GRIK2: variants seen among roughly 807,000 people sequenced by gnomAD.
GRIK2 encodes the protein glutamate receptor ionotropic, kainate 2.
In GRIK2, 32 loss-of-function variants were observed where a neutral mutation model predicts 100.3. The ratio of observed to expected loss-of-function variants is 0.32; its 90% CI spans 0.24 to 0.43. GRIK2 has a LOEUF of 0.43. Ranked by LOEUF, GRIK2 falls within the 20% of genes least tolerant of loss-of-function variation. GRIK2 has a pLI of 1.00. For missense variants in GRIK2, 843 were observed against 1,114.9 expected, an observed-to-expected ratio of 0.76 and a Z score of 3.47; for synonymous variants, 417 against 389.4, an observed-to-expected ratio of 1.07 and a Z score of -0.83.
At position 101,684,605 on chromosome 6, in the gene GRIK2, C is replaced by G. The variant is rs1356356485; in HGVS notation, c.778-1575C>G. Among the ~76,000 whole-genome samples the G allele has an allele frequency of 7.2e-5, 11 of 152,046 alleles. No individual in the cohort carries two copies. The East Asian group carries it at 1.2e-3, about 16-fold the overall frequency. Reference sequence around the variant, plus strand: ...ACTTCATGAGGTTCAAGGCTGAGATCTCTATAACAAAAGAGAGGTTGACAA... The same window carrying G: ...ACTTCATGAGGTTCAAGGCTGAGATGTCTATAACAAAAGAGAGGTTGACAA... On this transcript the variant is annotated intron_variant, in intron 6 of 16. Coordinates refer to ENST00000369134, the MANE Select transcript of GRIK2 (RefSeq NM_021956.5).
chr6:101,493,962 T>A (rs1297785331), intron 2 of GRIK2, among the ~76,000 whole-genome samples: 1 of 106,830 alleles, frequency 9.4e-6, no homozygotes, highest in South Asian at 2.8e-4. Flanking sequence ...ATATATATAT[T>A]TTATATATAA....
At chr6:101,499,377 T>C (rs546031813) in intron 2 of GRIK2, among the ~76,000 whole-genome samples, 1 of 152,282 alleles carries the variant, frequency 6.6e-6, no homozygotes, top group South Asian at 2.1e-4. Context: ...TATTTTTTTA[T>C]TGATATGTTA....
chr6:101,798,083 G>A (rs1266983741), intron 7 of GRIK2, among the ~76,000 whole-genome samples: 5 of 144,886 alleles, frequency 3.5e-5, no homozygotes, highest in African/African-American at 1.0e-4. Context: ...TGGATATGTA[G>A]CCTTCATTCT....
rs781532291 is a variant in GRIK2, at chr6:101,960,053, GT to G, written c.2085+31434del. Among the ~76,000 whole-genome samples the G allele has an allele frequency of 5.7e-3, 745 of 131,006 alleles. 16 individuals are homozygous for G. The highest frequency in any genetic ancestry group is 9.3e-3 in the Non-Finnish European group (579 of 62,422). 85.9% of individuals were successfully genotyped at this position (131,006 alleles called of 152,430 possible). A position where few individuals can be genotyped will look rare whatever the true frequency, so the allele number is the denominator to read the frequency against. ...TCTCAAAGCCTTTTTTTAGTGTTTTGTTTTTTTTTTTTTGTCTGACTTGGTT... is the reference window on the plus strand; with the variant it reads ...TCTCAAAGCCTTTTTTTAGTGTTTTGTTTTTTTTTTTTGTCTGACTTGGTT... On this transcript the variant is annotated intron_variant, in intron 14 of 16. Transcript: ENST00000369134.
intron 2 of GRIK2, among the ~76,000 whole-genome samples, chr6:101,510,667 C>T (rs552063113): frequency 2.0e-5 from 3 of 151,588 alleles, no homozygotes; most frequent in African/African-American, 7.3e-5. Flanking sequence ...GGATTACAGG[C>T]ACCTGCCACC....
intron 7 of GRIK2, chr6:101,744,558 A>ATATATATATATATCTATC (rs751011648): frequency 2.6e-5 from 3 of 115,024 alleles, no homozygotes; most frequent in African/African-American, 1.1e-4. Context: ...ATATATATAT[A>ATATATATATATATCTATC]TCACAATTTC....
chr6:101,624,442 A>G (rs557482875), intron 3 of GRIK2, among the ~76,000 whole-genome samples: 365 of 152,248 alleles, frequency 2.4e-3, no homozygotes, highest in African/African-American at 8.2e-3. Flanking sequence ...ATTTATTTAG[A>G]TCATATTGAT....
chr6:101,735,880 A>T (rs1350740092), intron 7 of GRIK2, among the ~76,000 whole-genome samples: 2 of 152,240 alleles, frequency 1.3e-5, no homozygotes, highest in Admixed American at 6.5e-5. Context: ...CTCATCTGAG[A>T]TAAGGCAAGT....
chr6:101,442,590 A>T (rs1770135809), intron 2 of GRIK2, among the ~76,000 whole-genome samples: 1 of 152,192 alleles, frequency 6.6e-6, no homozygotes, highest in African/African-American at 2.4e-5. Flanking sequence ...GGAAGTATAA[A>T]ACACAAAGAG....
At chr6:101,704,915 G>A (rs1302645746) in intron 7 of GRIK2, among the ~76,000 whole-genome samples, 1 of 147,706 alleles carries the variant, frequency 6.8e-6, no homozygotes, top group Non-Finnish European at 1.5e-5. Context: ...TTATAAATTG[G>A]CCTTTATTTT....
chr6:101,706,394 G>T (rs532053267), intron 7 of GRIK2, among the ~76,000 whole-genome samples: 156 of 151,780 alleles, frequency 1.0e-3, no homozygotes, highest in Middle Eastern at 3.4e-3. Flanking sequence ...TCATATTGTT[G>T]TATATTTACA....
In GRIK2 at chr6:101,664,628, A is replaced by G. The variant is rs564337709; in HGVS notation, c.542-11995A>G. On this transcript the variant is annotated intron_variant, in intron 4 of 16. Coordinates refer to ENST00000369134, the MANE Select transcript of GRIK2 (RefSeq NM_021956.5). ...TAATGGCATAATTGCTTTTTTTCAT[A>G]TCAGTGAAAGCAGAAACAGAAACAG... Among the ~76,000 whole-genome samples the G allele has an allele frequency of 2.6e-4, 40 of 152,328 alleles. 1 individual carries two copies. Among genetic ancestry groups the G allele is most frequent in the African/African-American group, 9.4e-4 (39 of 41,576 alleles).
intron 16 of GRIK2, among the ~76,000 whole-genome samples, chr6:102,057,982 A>AT (rs1771546547): frequency 6.6e-6 from 1 of 151,352 alleles, no homozygotes; most frequent in African/African-American, 2.4e-5. Context: ...GTGGAAGTAG[A>AT]TTTTCATTTC....
intron 7 of GRIK2, among the ~76,000 whole-genome samples, chr6:101,774,260 T>C (rs1778595527): frequency 6.6e-6 from 1 of 152,188 alleles, no homozygotes; most frequent in African/African-American, 2.4e-5. Context: ...TAATTCATCA[T>C]ATTGAAAAAG....
chr6:101,526,034 A>C (rs1392067330), intron 2 of GRIK2, among the ~76,000 whole-genome samples: 2 of 152,202 alleles, frequency 1.3e-5, no homozygotes, highest in East Asian at 3.9e-4. Context: ...AAACCAGAAG[A>C]TGCGACTGAA....
At chr6:101,742,419 A>C (rs559628168) in intron 7 of GRIK2, among the ~76,000 whole-genome samples, 1 of 152,246 alleles carries the variant, frequency 6.6e-6, no homozygotes, top group East Asian at 1.9e-4. Context: ...ACTCTGTAAA[A>C]TATTTGCAGA....
At chr6:101,674,588 A>G (rs971124266) in intron 4 of GRIK2, among the ~76,000 whole-genome samples, 2 of 152,176 alleles carry the variant, frequency 1.3e-5, no homozygotes, top group African/African-American at 4.8e-5. Flanking sequence ...TTGTTTCTTT[A>G]CAGCTCAATG....
intron 14 of GRIK2, among the ~76,000 whole-genome samples, chr6:102,013,977 T>C (rs1049849451): frequency 1.3e-5 from 2 of 152,134 alleles, no homozygotes; most frequent in Admixed American, 1.3e-4. Context: ...TCCTCCTCAA[T>C]TTTTTGAAAT....
chr6:101,922,886 C>G (rs1789649768), intron 12 of GRIK2, among the ~76,000 whole-genome samples: 1 of 152,146 alleles, frequency 6.6e-6, no homozygotes, highest in Admixed American at 6.5e-5. Context: ...CTTGGAAATA[C>G]TTTAAAAAAC....
Sources: allele counts gnomAD v4.1 joint callset (sites outside exome capture counted in the v4.1 genomes callset), GRCh38; gene constraint gnomAD v4.1.1; transcripts MANE v1.5; gene names NCBI Gene and HGNC (gene_info 2026-07-23, HGNC 2026-07-21).